ZNF385D: variants seen among roughly 807,000 people sequenced by gnomAD.
ZNF385D encodes zinc finger protein 659.
Under a neutral mutation model 35.8 loss-of-function variants are expected in ZNF385D, and 15 were observed. That is an observed-to-expected ratio of 0.42 (90% CI 0.28 to 0.64). The LOEUF (loss-of-function observed/expected upper bound fraction) is 0.64. Among genes scored for constraint, ZNF385D ranks in the 30% least tolerant of loss-of-function variants. The pLI, the probability that ZNF385D is intolerant of heterozygous loss-of-function variation, is 0.23. For synonymous variants in ZNF385D, 212 were observed against 186.8 expected, an observed-to-expected ratio of 1.13 and a Z score of -1.10; for missense variants, 474 against 494.6, an observed-to-expected ratio of 0.96 and a Z score of 0.39.
chr3:22,277,344 T>C (rs1402846394), intron 2 of ZNF385D, among the ~76,000 whole-genome samples: 1 of 152,032 alleles, frequency 6.6e-6, no homozygotes, highest in African/African-American at 2.4e-5. Flanking sequence ...AGACACAACC[T>C]GTACTGGTGA....
chr3:21,603,931 T>C (rs1056934266), intron 2 of ZNF385D, among the ~76,000 whole-genome samples: 5 of 152,128 alleles, frequency 3.3e-5, no homozygotes, highest in African/African-American at 1.2e-4. Flanking sequence ...GGAGTAGAAG[T>C]AGCTTATCTC....
chr3:22,287,343 T>C (rs1433237624), intron 2 of ZNF385D, among the ~76,000 whole-genome samples: 1 of 152,034 alleles, frequency 6.6e-6, no homozygotes, highest in African/African-American at 2.4e-5. Context: ...ACTTTCTTAT[T>C]GCAAATCTTA....
chr3:21,442,651 T>C lies in ZNF385D; in HGVS notation c.440-5448A>G, dbSNP rs902422777. ...CTTGGCACTGGGCTGTGCTTAAAAGTCCCTTTATTTGTGGGCTTTTTTTTT... is the reference window on the plus strand; with the variant it reads ...CTTGGCACTGGGCTGTGCTTAAAAGCCCCTTTATTTGTGGGCTTTTTTTTT... On this transcript the variant is annotated intron_variant, in intron 4 of 7. Transcript: ENST00000281523. 5.4e-5 allele frequency among the ~76,000 whole-genome samples: 8 copies of C among 148,390 alleles called. No individual in the cohort carries two copies. In the South Asian group the frequency reaches 1.7e-3, roughly 32 times the overall value.
At chr3:22,187,288 C>T (rs984000911) in intron 2 of ZNF385D, among the ~76,000 whole-genome samples, 2 of 152,136 alleles carry the variant, frequency 1.3e-5, no homozygotes, top group African/African-American at 4.8e-5. Flanking sequence ...AATAAGAGTG[C>T]TAAACACTAA....
chr3:22,105,701 C>T (rs956096049), intron 3 of ZNF385D, among the ~76,000 whole-genome samples: 1 of 152,046 alleles, frequency 6.6e-6, no homozygotes, highest in Non-Finnish European at 1.5e-5. Context: ...CCTTCCTCCA[C>T]CTTTTTGTTC....
At chr3:22,120,569 T>C (rs576664662) in intron 3 of ZNF385D, among the ~76,000 whole-genome samples, 1 of 152,270 alleles carries the variant, frequency 6.6e-6, no homozygotes, top group South Asian at 2.1e-4. Context: ...TATTTCAGCT[T>C]TGAGTTCAGA....
chr3:22,338,889 T>C (rs1467386184), intron 2 of ZNF385D, among the ~76,000 whole-genome samples: 1 of 151,848 alleles, frequency 6.6e-6, no homozygotes, highest in African/African-American at 2.4e-5. Context: ...TTAGTAGAGA[T>C]GGAGTTTCAC....
At chr3:21,662,937 C>A (rs767049281) in intron 2 of ZNF385D, among the ~76,000 whole-genome samples, 3 of 152,144 alleles carry the variant, frequency 2.0e-5, no homozygotes, top group Non-Finnish European at 2.9e-5. Context: ...CCCACACAAC[C>A]CTTACCACAG....
chr3:21,531,659 C>T (rs1193049150), intron 3 of ZNF385D, among the ~76,000 whole-genome samples: 1 of 152,138 alleles, frequency 6.6e-6, no homozygotes, highest in African/African-American at 2.4e-5. Flanking sequence ...AAGCTACATA[C>T]TGTATGAGTC....
intron 3 of ZNF385D, among the ~76,000 whole-genome samples, chr3:21,859,607 G>A (rs746222887): frequency 6.6e-6 from 1 of 151,212 alleles, no homozygotes; most frequent in African/African-American, 2.4e-5. Flanking sequence ...GCTGCCTGCA[G>A]ACCTCTCCTC....
chr3:21,496,471 T>TGTC (rs201795782), intron 4 of ZNF385D, among the ~76,000 whole-genome samples: 22,006 of 104,440 alleles, frequency 0.21, 1,973 homozygotes, highest in Admixed American at 0.31. Context: ...ATATCATATA[T>TGTC]ATACATATAT....
At chr3:21,947,080 T>C (rs1701826809) in intron 3 of ZNF385D, among the ~76,000 whole-genome samples, 1 of 152,148 alleles carries the variant, frequency 6.6e-6, no homozygotes, top group East Asian at 1.9e-4. Context: ...TTTTTCCAAA[T>C]GGAATTTTGG....
intron 2 of ZNF385D, among the ~76,000 whole-genome samples, chr3:22,303,941 C>A (rs775515938): frequency 3.3e-5 from 5 of 152,082 alleles, no homozygotes; most frequent in Non-Finnish European, 7.4e-5. Flanking sequence ...CCACGCCCGG[C>A]TAATTTTTGT....
At chr3:21,491,422 AC>A (rs1705416367) in intron 4 of ZNF385D, among the ~76,000 whole-genome samples, 1 of 151,904 alleles carries the variant, frequency 6.6e-6, no homozygotes, top group Non-Finnish European at 1.5e-5. Context: ...TAAAAGAAAC[AC>A]CCCCTATTCC....
At chr3:22,174,660 T>C (rs1236470546) in intron 2 of ZNF385D, among the ~76,000 whole-genome samples, 1 of 152,098 alleles carries the variant, frequency 6.6e-6, no homozygotes, top group African/African-American at 2.4e-5. Flanking sequence ...CTTGATATGA[T>C]AATATCTCCA....
chr3:22,168,990 G>C, exon 3 of ZNF385D: 1 of 985,766 alleles, frequency 1.0e-6, no homozygotes, highest in Non-Finnish European at 1.2e-6. Context: ...AAAGTCATCA[G>C]GTATTAATTC....
chr3:22,244,507 T>C (rs567040322), intron 2 of ZNF385D, among the ~76,000 whole-genome samples: 1 of 150,952 alleles, frequency 6.6e-6, no homozygotes, highest in Admixed American at 6.6e-5. Flanking sequence ...CCAATCAGAA[T>C]GAAACCCTTA....
chr3:22,183,234 A>G (rs1017632801), intron 2 of ZNF385D, among the ~76,000 whole-genome samples: 2 of 152,206 alleles, frequency 1.3e-5, no homozygotes, highest in Non-Finnish European at 2.9e-5. Flanking sequence ...TATTTTTCAC[A>G]GTCATCTAAC....
intron 1 of ZNF385D, among the ~76,000 whole-genome samples, chr3:21,716,825 C>T (rs994079695): frequency 9.2e-5 from 14 of 152,126 alleles, no homozygotes; most frequent in African/African-American, 2.7e-4. Flanking sequence ...CTGCCCTCAG[C>T]GCCTAACAAA....
Sources: gnomAD v4.1 joint callset for allele counts (sites outside exome capture counted in the v4.1 genomes callset) on GRCh38, gnomAD v4.1.1 for gene constraint, MANE v1.5 for transcripts, NCBI Gene and HGNC (gene_info 2026-07-23, HGNC 2026-07-21) for gene names.